USP6: variants seen among roughly 807,000 people sequenced by gnomAD.
USP6 encodes ubiquitin carboxyl-terminal hydrolase 6.
Under a neutral mutation model 175.7 loss-of-function variants are expected in USP6, and 128 were observed. The ratio of observed to expected loss-of-function variants is 0.73; its 90% CI spans 0.63 to 0.84. The LOEUF (loss-of-function observed/expected upper bound fraction) is 0.84. Ranked by LOEUF, USP6 falls within the 40% of genes least tolerant of loss-of-function variation. The pLI, the probability that USP6 is intolerant of heterozygous loss-of-function variation, is 0.00. For missense variants in USP6, 1,498 were observed against 1,760.3 expected (o/e 0.85, Z 2.67); for synonymous variants, 562 against 630.6 (o/e 0.89, Z 1.63).
rs1229891079 is a variant in USP6 at position 5,170,664 on chromosome 17, C to G, written c.3703C>G (p.Gln1235Glu). Reference sequence around the variant, plus strand: ...TGCCAGCAAAGAGAATGGGGCTGGGCAGATCTGTGAGCTGGCTGACGCCTT... The same window carrying G: ...TGCCAGCAAAGAGAATGGGGCTGGGGAGATCTGTGAGCTGGCTGACGCCTT... ...LDASKENGAGQICELADALSR... is the reference protein window; with the variant it reads ...LDASKENGAGEICELADALSR... Residue 1235 changes from glutamine (Q) to glutamate (E), a missense_variant, in exon 36 of 38, where the codon CAG (glutamine) becomes GAG (glutamate). Gln to Glu is a conservative substitution (Grantham distance 29). Coordinates refer to ENST00000574788, the MANE Select transcript of USP6 (RefSeq NM_001304284.2). 9 of 1,613,794 alleles carry G rather than the reference C, an allele frequency of 5.6e-6. No individual in the cohort carries two copies.
chr17:5,147,314 A>G (rs56143992), intron 29 of USP6, 120 bp downstream of exon 29: 130,020 of 1,166,080 alleles, frequency 0.11, 8,049 homozygotes, highest in African/African-American at 0.17. Context: ...TTGGAACTCA[A>G]GGGAAACCTT....
chr17:5,173,778 G>A lies in USP6; in HGVS notation c.*800G>A, dbSNP rs703850. 145 of 221,692 alleles carry A rather than the reference G, an allele frequency of 6.5e-4. No homozygotes were observed. Among genetic ancestry groups the A allele is most frequent in the Non-Finnish European group, 1.2e-3 (135 of 110,552 alleles). The allele number at this position is 221,692 out of a possible 1,614,324, so 13.7% of individuals were successfully genotyped here. A position where few individuals can be genotyped will look rare whatever the true frequency, so the allele number is the denominator to read the frequency against. Reference sequence around the variant, plus strand: ...AAATGTATTCTGCACCCCCGGCCCCGCCCATGCTGAGGGAAGGGGAGCAGT... The same window carrying A: ...AAATGTATTCTGCACCCCCGGCCCCACCCATGCTGAGGGAAGGGGAGCAGT... On this transcript the variant is annotated 3_prime_UTR_variant, in exon 38 of 38. Transcript: ENST00000574788.
At position 5,172,940 on chromosome 17, in the gene USP6, T is replaced by G; in HGVS notation, c.4183T>G (p.Ser1395Ala). Residue 1395 changes from serine to alanine, a missense_variant, in exon 38 of 38, where the codon TCT becomes GCT. Transcript: ENST00000574788. ...AGACACAAGCAGTACGGATGAAGACTCTGAGTCTGATTACGAAAAGTACTC... is the reference window on the plus strand; with the variant it reads ...AGACACAAGCAGTACGGATGAAGACGCTGAGTCTGATTACGAAAAGTACTC... ...MADTSSTDEDSESDYEKYSML... is the reference protein window; with the variant it reads ...MADTSSTDEDAESDYEKYSML... 1 of 1,613,940 alleles carries G rather than the reference T, an allele frequency of 6.2e-7. No homozygotes were observed. The highest frequency in any genetic ancestry group is 8.5e-7 in the Non-Finnish European group (1 of 1,179,862).
chr17:5,117,217 CAT>C (rs2072557456), intron 1 of USP6, among the ~76,000 whole-genome samples: 2 of 152,188 alleles, frequency 1.3e-5, no homozygotes, highest in Admixed American at 1.3e-4. Flanking sequence ...CTGCTTAACA[CAT>C]ATTAAAAGCT....
In USP6 at chr17:5,124,751, A is replaced by G. The variant is rs2072834490; in HGVS notation, c.-1113A>G. 1 of 152,224 alleles carries G rather than the reference A, an allele frequency of 6.6e-6. No homozygotes were observed. Among genetic ancestry groups the G allele is most frequent in the Non-Finnish European group, 1.5e-5 (1 of 68,044 alleles). 9.4% of individuals were successfully genotyped at this position (152,224 alleles called of 1,614,324 possible). The stretch of plus-strand genomic sequence containing the variant: ...TGCCCAGTCTGTGGTACTGTAAAAC[A>G]GCCCTGGGAAACTAACGCAGCCTGT... On this transcript the variant is annotated 5_prime_UTR_variant, in exon 5 of 38. Coordinates refer to ENST00000574788, the MANE Select transcript of USP6 (RefSeq NM_001304284.2).
intron 33 of USP6, among the ~76,000 whole-genome samples, chr17:5,166,273 T>TC (rs2074094017): frequency 6.6e-6 from 1 of 152,146 alleles, no homozygotes; most frequent in South Asian, 2.1e-4. Context: ...TCCTCTAAGT[T>TC]CCCCTTTTTA....
intron 31 of USP6, among the ~76,000 whole-genome samples, chr17:5,156,811 A>G (rs1179598859): frequency 2.6e-5 from 4 of 151,426 alleles, no homozygotes; most frequent in Non-Finnish European, 5.9e-5. Flanking sequence ...GTTCACTGCA[A>G]ACTCCGCCTC....
chr17:5,161,065 C>CT (rs2073995479), intron 31 of USP6, among the ~76,000 whole-genome samples: 1 of 152,190 alleles, frequency 6.6e-6, no homozygotes, highest in Admixed American at 6.5e-5. Flanking sequence ...GCTTATAACT[C>CT]TGAGTAGTTA....
intron 6 of USP6, 27 bp from the exon 7 acceptor site, chr17:5,127,477 G>C (rs2072930485): frequency 6.6e-6 from 1 of 152,264 alleles, no homozygotes; most frequent in Non-Finnish European, 1.5e-5. Flanking sequence ...ACGTGAACTT[G>C]TCTTGTTTCT....
rs1443136396 is a variant in USP6 at position 5,173,489 on chromosome 17, T to C, written c.*511T>C. 3.6e-5 allele frequency: 8 copies of C among 220,108 alleles called. No homozygotes were observed. Among genetic ancestry groups the C allele is most frequent in the Non-Finnish European group, 7.3e-5 (8 of 109,688 alleles). 13.6% of individuals were successfully genotyped at this position (220,108 alleles called of 1,614,324 possible). A position where few individuals can be genotyped will look rare whatever the true frequency, so the allele number is the denominator to read the frequency against. ...ATGATTCTTACGGCATGGACAAGGA[T>C]TTTTCAATTTATTTTTTAAACTGTT... is the stretch of plus-strand genomic sequence containing the variant. On this transcript the variant is annotated 3_prime_UTR_variant, in exon 38 of 38. Transcript: ENST00000574788.
At chr17:5,118,915 C>T (rs533449188) in intron 2 of USP6, among the ~76,000 whole-genome samples, 1 of 152,194 alleles carries the variant, frequency 6.6e-6, no homozygotes, top group South Asian at 2.1e-4. Context: ...TTGGAAAAGG[C>T]AACATTTGAT....
At position 5,145,440 on chromosome 17, in the gene USP6, T is replaced by C; in HGVS notation, c.2028T>C (p.Ile676=). 6.2e-7 allele frequency: 1 copy of C among 1,611,464 alleles called. No individual in the cohort carries two copies. The highest frequency in any genetic ancestry group is 1.1e-5 in the South Asian group (1 of 90,492). Residue 676 remains isoleucine, a synonymous_variant, in exon 27 of 38, where the codon ATT becomes ATC. Transcript: ENST00000574788. ...WDNHLRRNRS[I]IVDLFHGQLR... ...ACCATCTAAGAAGAAATAGATCAAT[T>C]ATTGTGGATTTGTTCCATGGGCAGC...
Position 5,130,672 on chromosome 17 carries a change from T to G in USP6, c.143T>G (p.Phe48Cys). The change falls in exon 11 of 38, where the codon TTT (phenylalanine) becomes TGT (cysteine). Residue 48 changes from phenylalanine (F) to cysteine (C), a missense_variant. Physicochemically the swap from Phe to Cys is radical, Grantham distance 205. Coordinates refer to ENST00000574788, the MANE Select transcript of USP6 (RefSeq NM_001304284.2). ...GGAATCAACAGCAGCATTGATCGTT[T>G]TGGCATTTTGCAGTGAGTCATCCTC... The part of the protein sequence containing the change: ...PVGINSSIDR[F>C]GILHETELPP... The G allele has an allele frequency of 6.2e-7, 1 of 1,614,008 alleles. No individual in the cohort carries two copies. The highest frequency in any genetic ancestry group is 8.5e-7 in the Non-Finnish European group (1 of 1,179,850).
At position 5,117,190 on chromosome 17, in the gene USP6, C is replaced by T. The variant is rs568696874; in HGVS notation, c.-1928+450C>T. Among the ~76,000 whole-genome samples, 10 of 152,304 alleles carry T rather than the reference C, an allele frequency of 6.6e-5. No individual in the cohort carries two copies. In the East Asian group the frequency reaches 1.9e-3, roughly 29 times the overall value. The stretch of plus-strand genomic sequence containing the variant: ...AGAGACTTGTCCATTTATGCTCACC[C>T]TGCTTTGTAGCACCCGCTGCTTAAC... On this transcript the variant is annotated intron_variant, in intron 1 of 37. Transcript: ENST00000574788.
chr17:5,118,385 C>A (rs964438255), intron 2 of USP6, 95 bp downstream of exon 2: 7 of 152,506 alleles, frequency 4.6e-5, no homozygotes, highest in African/African-American at 1.7e-4. Context: ...CATGAGCAAA[C>A]GACTGCAGGA....
At chr17:5,133,147 A>G (rs1247215900) in intron 13 of USP6, among the ~76,000 whole-genome samples, 157 bp downstream of exon 13, 1 of 152,100 alleles carries the variant, frequency 6.6e-6, no homozygotes, top group Non-Finnish European at 1.5e-5. Flanking sequence ...TTGCCTGCCT[A>G]TTCGTGCAAG....
intron 15 of USP6, 169 bp from the exon 16 acceptor site, chr17:5,135,065 A>T: frequency 2.7e-6 from 2 of 731,536 alleles, no homozygotes; most frequent in South Asian, 3.0e-5. Flanking sequence ...CATGTCACAG[A>T]TGTGGATTTT....
At position 5,148,759 on chromosome 17, in the gene USP6, C is replaced by T. The variant is rs763413200; in HGVS notation, c.2635C>T (p.Arg879Ter). The T allele has an allele frequency of 7.4e-6, 12 of 1,610,916 alleles. No individual in the cohort carries two copies. The highest frequency in any genetic ancestry group is 3.3e-5 in the South Asian group (3 of 90,786). Reference protein sequence around the residue: ...PFTGYIIAVHRKMMRTELYFL... With the variant: ...PFTGYIIAVH ...TACAGGTTACATCATTGCAGTCCAC[C>T]GAAAAATGGTTAGTTAAATGTTAGG... is the stretch of plus-strand genomic sequence containing the variant. Residue 879 changes from arginine to a stop codon, truncating the protein, a stop_gained, in exon 30 of 38, where the codon CGA (arginine) becomes TGA (stop). Coordinates refer to ENST00000574788, the MANE Select transcript of USP6 (RefSeq NM_001304284.2). LOFTEE classifies it high-confidence loss of function.
At chr17:5,171,527 T>C in intron 36 of USP6, 60 bp from the exon 37 acceptor site, 9 of 1,525,888 alleles carry the variant, frequency 5.9e-6, no homozygotes, top group Non-Finnish European at 8.1e-6. Flanking sequence ...ATCTTAGTGC[T>C]ATACCCTGGC....
Sources: allele counts gnomAD v4.1 joint callset (sites outside exome capture counted in the v4.1 genomes callset), GRCh38; gene constraint gnomAD v4.1.1; transcripts MANE v1.5; gene names NCBI Gene and HGNC (gene_info 2026-07-23, HGNC 2026-07-21).